The following ANO2 variants were observed in gnomAD, a reference collection of about 807,000 sequenced individuals.
The protein encoded by ANO2 is anoctamin 2, also known as anoctamin-2.
A neutral mutation model predicts 124.2 loss-of-function variants in ANO2; 101 were observed. That is an observed-to-expected ratio of 0.81 (90% CI 0.69 to 0.96). The LOEUF (loss-of-function observed/expected upper bound fraction) is 0.96, where lower values mean the gene tolerates loss of function less well. Ranked by LOEUF, ANO2 falls within the 40% of genes least tolerant of loss-of-function variation. The pLI is 0.00. For missense variants in ANO2, 1,293 were observed against 1,274.5 expected (o/e 1.01, Z -0.22); for synonymous variants, 486 against 482.5 (o/e 1.01, Z -0.09).
chr12:5,727,595 T>C (rs1026298602), intron 14 of ANO2, among the ~76,000 whole-genome samples: 3 of 149,694 alleles, frequency 2.0e-5, no homozygotes, highest in African/African-American at 7.3e-5. Context: ...TTTTCTCCTA[T>C]GGTCAAAAAC....
chr12:5,896,865 G>C (rs542068394), intron 3 of ANO2, among the ~76,000 whole-genome samples: 1 of 152,286 alleles, frequency 6.6e-6, no homozygotes, highest in African/African-American at 2.4e-5. Flanking sequence ...AATTCGGGAA[G>C]AGTTTTGGAA....
chr12:5,833,276 T>G (rs146061993), intron 4 of ANO2, among the ~76,000 whole-genome samples: 1 of 152,182 alleles, frequency 6.6e-6, no homozygotes, highest in South Asian at 2.1e-4. Flanking sequence ...GTGCATACTG[T>G]TTTTTTTATA....
Position 5,921,119 on chromosome 12 carries a change from T to C in ANO2, c.455A>G (p.Glu152Gly). The part of the protein sequence containing the change: ...DIELGPLDAL[E>G]EERKEQREEF... ...CTCCCGCTGCTCCTTCCTCTCCTCCTCCAGGGCATCGAGCGGTCCCAGCTC... is the reference window on the plus strand; with the variant it reads ...CTCCCGCTGCTCCTTCCTCTCCTCCCCCAGGGCATCGAGCGGTCCCAGCTC... Residue 152 changes from glutamate to glycine, a missense_variant, in exon 3 of 25, where the codon GAG becomes GGG. Glu to Gly is a moderately conservative substitution (Grantham distance 98). Coordinates refer to ENST00000682330, the MANE Select transcript of ANO2 (RefSeq NM_001364791.2). 2 of 1,613,900 alleles carry C rather than the reference T, an allele frequency of 1.2e-6. No individual in the cohort carries two copies. The highest frequency in any genetic ancestry group is 1.7e-6 in the Non-Finnish European group (2 of 1,179,874).
chr12:5,680,897 G>C (rs1948458913), intron 14 of ANO2, among the ~76,000 whole-genome samples: 1 of 152,170 alleles, frequency 6.6e-6, no homozygotes, highest in South Asian at 2.1e-4. Context: ...CTATAGGAGG[G>C]AGACAAGGTT....
At position 5,574,465 on chromosome 12, in the gene ANO2, T is replaced by C. The variant is rs1198518387; in HGVS notation, c.2621+1369A>G. Among the ~76,000 whole-genome samples, 8 of 151,438 alleles carry C rather than the reference T, an allele frequency of 5.3e-5. No homozygotes were observed. The East Asian group carries it at 1.3e-3, about 26-fold the overall frequency. On this transcript the variant is annotated intron_variant, in intron 23 of 24. Transcript: ENST00000682330. ...CATGATTGAAATCAAATTCATCATA[T>C]GTAGCATAAAATTAGACTCTCTCAG...
intron 16 of ANO2, among the ~76,000 whole-genome samples, chr12:5,619,519 C>T (rs1475322668): frequency 6.6e-6 from 1 of 152,152 alleles, no homozygotes; most frequent in Non-Finnish European, 1.5e-5. Context: ...TTCCCTCCTC[C>T]TGGATACACA....
At chr12:5,686,077 T>C (rs1166733152) in intron 14 of ANO2, among the ~76,000 whole-genome samples, 1 of 152,154 alleles carries the variant, frequency 6.6e-6, no homozygotes, top group Non-Finnish European at 1.5e-5. Context: ...GCAAGGGGGA[T>C]AACCTCCACC....
intron 20 of ANO2, among the ~76,000 whole-genome samples, chr12:5,596,024 C>A (rs574485495): frequency 6.6e-6 from 1 of 152,250 alleles, no homozygotes; most frequent in African/African-American, 2.4e-5. Flanking sequence ...GAATCAAGAA[C>A]CATAGAATGA....
intron 3 of ANO2, among the ~76,000 whole-genome samples, chr12:5,873,239 CTCTCTCTG>C (rs1287677539): frequency 1.0e-4 from 15 of 144,822 alleles, no homozygotes; most frequent in Non-Finnish European, 1.4e-4. Flanking sequence ...CTCTCTCTCT[CTCTCTCTG>C]TCTGTCTCTC....
intron 14 of ANO2, among the ~76,000 whole-genome samples, chr12:5,669,359 A>G (rs1245558843): frequency 1.3e-5 from 2 of 151,968 alleles, no homozygotes; most frequent in Non-Finnish European, 2.9e-5. Flanking sequence ...GTTGGTGTAT[A>G]GGAATGTTTG....
intron 7 of ANO2, among the ~76,000 whole-genome samples, chr12:5,812,710 GAA>G (rs1953460546): frequency 3.1e-4 from 3 of 9,546 alleles, no homozygotes; most frequent in Non-Finnish European, 7.4e-4. Flanking sequence ...AAGAAAAGAA[GAA>G]GAAGGAAGGG....
At chr12:5,941,908 C>T (rs796205993) in intron 1 of ANO2, among the ~76,000 whole-genome samples, 29 of 151,764 alleles carry the variant, frequency 1.9e-4, no homozygotes, top group African/African-American at 7.1e-4. Context: ...TCATCTATAT[C>T]CAATGAAGTA....
chr12:5,734,192 T>G (rs1950761738), intron 13 of ANO2, among the ~76,000 whole-genome samples: 1 of 152,326 alleles, frequency 6.6e-6, no homozygotes, highest in South Asian at 2.1e-4. Context: ...CATTCAAAAC[T>G]CTGAAAAGTA....
chr12:5,596,099 T>C (rs1294079365), intron 20 of ANO2, among the ~76,000 whole-genome samples: 1 of 152,172 alleles, frequency 6.6e-6, no homozygotes, highest in African/African-American at 2.4e-5. Context: ...AAAGATTATA[T>C]GCACAAAGAT....
rs573201565 is a variant in ANO2, at chr12:5,885,396, C to T, written c.535-31255G>A. 2.6e-5 allele frequency among the ~76,000 whole-genome samples: 4 copies of T among 152,362 alleles called. 1 individual carries two copies. The highest frequency in any genetic ancestry group is 9.6e-5 in the African/African-American group (4 of 41,580). On this transcript the variant is annotated intron_variant, in intron 3 of 24. Coordinates refer to ENST00000682330, the MANE Select transcript of ANO2 (RefSeq NM_001364791.2). Reference sequence around the variant, plus strand: ...CATGCTTACTGTCCAGTGACCAAAGCTGGCCAAAGAAAGGTGGCTGCAAGA... The same window carrying T: ...CATGCTTACTGTCCAGTGACCAAAGTTGGCCAAAGAAAGGTGGCTGCAAGA...
rs377499491 is a variant in ANO2, at chr12:5,610,723, C to CATATATATATATAT, written c.2087+1919_2087+1932dup. Among the ~76,000 whole-genome samples the CATATATATATATAT allele has an allele frequency of 2.5e-3, 295 of 116,884 alleles. 6 individuals are homozygous for CATATATATATATAT. The highest frequency in any genetic ancestry group is 8.4e-3 in the African/African-American group (250 of 29,672). 76.7% of individuals were successfully genotyped at this position (116,884 alleles called of 152,430 possible). ...ATACATGTATGTGTACACATATATA[C>CATATATATATATAT]ATATATATATATATATATATGAAAA... On this transcript the variant is annotated intron_variant, in intron 19 of 24. Coordinates refer to ENST00000682330, the MANE Select transcript of ANO2 (RefSeq NM_001364791.2).
At chr12:5,810,002 G>A (rs559450614) in intron 7 of ANO2, among the ~76,000 whole-genome samples, 5 of 152,238 alleles carry the variant, frequency 3.3e-5, no homozygotes, top group Non-Finnish European at 7.3e-5. Flanking sequence ...TCCTAAGACA[G>A]AAAGTCAAGG....
chr12:5,618,427 T>C (rs1944948677), intron 16 of ANO2, among the ~76,000 whole-genome samples: 1 of 152,170 alleles, frequency 6.6e-6, no homozygotes, highest in Non-Finnish European at 1.5e-5. Context: ...TGTCATTATC[T>C]CACTTAATCC....
chr12:5,632,686 G>A (rs966278029), intron 16 of ANO2, among the ~76,000 whole-genome samples: 3 of 152,038 alleles, frequency 2.0e-5, no homozygotes, highest in African/African-American at 2.4e-5. Context: ...TTAAGGCCCC[G>A]CCTTGCATAT....
Sources: gnomAD v4.1 joint callset for allele counts (sites outside exome capture counted in the v4.1 genomes callset) on GRCh38, gnomAD v4.1.1 for gene constraint, MANE v1.5 for transcripts, NCBI Gene and HGNC (gene_info 2026-07-23, HGNC 2026-07-21) for gene names.